Variants in GRK5 observed in about 807,000 individuals in gnomAD.
GRK5 encodes the protein g protein-coupled receptor kinase GRK5.
In GRK5, 40 loss-of-function variants were observed where a neutral mutation model predicts 78.4. The observed-to-expected ratio is 0.51, with a 90% confidence interval of 0.40 to 0.66. The LOEUF (loss-of-function observed/expected upper bound fraction) is 0.66, where lower values mean the gene tolerates loss of function less well. GRK5 is among the 30% of genes least tolerant of loss of function. GRK5 has a pLI of 0.00. For missense variants in GRK5, 598 were observed against 759.9 expected (o/e 0.79, Z 2.50); for synonymous variants, 289 against 296.8 (o/e 0.97, Z 0.27).
intron 2 of GRK5, among the ~76,000 whole-genome samples, chr10:119,331,387 C>T (rs1850776540): frequency 6.6e-6 from 1 of 152,238 alleles, no homozygotes; most frequent in African/African-American, 2.4e-5. Flanking sequence ...TGGGCCTTCC[C>T]ACTGTTTACA....
At chr10:119,255,617 C>A (rs1399995346) in intron 1 of GRK5, among the ~76,000 whole-genome samples, 1 of 152,194 alleles carries the variant, frequency 6.6e-6, no homozygotes, top group Non-Finnish European at 1.5e-5. Flanking sequence ...TGCGCAAGGT[C>A]AGGGTAAAGG....
At chr10:119,306,243 C>T (rs1308166600) in intron 1 of GRK5, among the ~76,000 whole-genome samples, 1 of 152,180 alleles carries the variant, frequency 6.6e-6, no homozygotes, top group African/African-American at 2.4e-5. Flanking sequence ...AATTTGCCCG[C>T]TAACAGGCCA....
Position 119,412,831 on chromosome 10 carries a change from C to T in GRK5, c.340-10335C>T, listed in dbSNP as rs867455629. Among the ~76,000 whole-genome samples the T allele has an allele frequency of 1.3e-5, 2 of 152,064 alleles. No individual in the cohort carries two copies. Among genetic ancestry groups the T allele is most frequent in the South Asian group, 2.1e-4 (1 of 4,826 alleles). On this transcript the variant is annotated intron_variant, in intron 4 of 15. Coordinates refer to ENST00000392870, the MANE Select transcript of GRK5 (RefSeq NM_005308.3). This position sits in a 1 kb window ranked among gnomAD's most constrained non-coding sequence, Gnocchi z 4.3. ...AAGCCAGGGTTTAGGGTTGGAACAG[C>T]CCCCATTCGCCCCACCACCCTCTGC...
intron 2 of GRK5, among the ~76,000 whole-genome samples, chr10:119,342,010 C>T (rs1850991426): frequency 6.6e-6 from 1 of 152,196 alleles, no homozygotes; most frequent in Non-Finnish European, 1.5e-5. Flanking sequence ...CAATGGGAGG[C>T]GTGGGAGAGT....
Position 119,253,242 on chromosome 10 carries a change from G to A in GRK5, c.52+45273G>A, listed in dbSNP as rs1202478607. On this transcript the variant is annotated intron_variant, in intron 1 of 15. Transcript: ENST00000392870. The surrounding 1 kb of genome is among the most constrained non-coding windows in gnomAD (Gnocchi z 5.7). ...TGAGATTACAGAGGCCCTTGATAGA[G>A]TCCGAAATTTGAAGGACAAGCAAGG... is the stretch of plus-strand genomic sequence containing the variant. 6.6e-6 allele frequency among the ~76,000 whole-genome samples: 1 copy of A among 152,176 alleles called. No individual in the cohort carries two copies. The highest frequency in any genetic ancestry group is 2.4e-5 in the African/African-American group (1 of 41,438).
intron 1 of GRK5, among the ~76,000 whole-genome samples, chr10:119,227,344 A>T (rs555750534): frequency 2.0e-5 from 3 of 152,130 alleles, no homozygotes; most frequent in African/African-American, 7.2e-5. Context: ...AGGTGGGTGG[A>T]TTGCTTGAGC....
At chr10:119,312,231 A>G (rs187013220) in intron 1 of GRK5, among the ~76,000 whole-genome samples, 55 of 152,350 alleles carry the variant, frequency 3.6e-4, no homozygotes, top group African/African-American at 1.1e-3. Flanking sequence ...TATTCACTTT[A>G]AAATGGTTAA....
intron 1 of GRK5, among the ~76,000 whole-genome samples, chr10:119,308,102 G>T (rs1262683189): frequency 6.6e-6 from 1 of 152,106 alleles, no homozygotes; most frequent in Admixed American, 6.5e-5. Flanking sequence ...TGCCCAGTGC[G>T]CCTTTGTAGG....
intron 2 of GRK5, among the ~76,000 whole-genome samples, chr10:119,362,667 G>C (rs1403653271): frequency 6.6e-6 from 1 of 152,200 alleles, no homozygotes; most frequent in African/African-American, 2.4e-5. Context: ...TGAGATTTGG[G>C]GACCTTAATT....
In GRK5 at chr10:119,431,347, A is replaced by T; in HGVS notation, c.598-40A>T. ...CTGGAGGAGCTCGGGGCAGGCCTCCACGGTGCTCCTGCCACCCTGGTTTCT... is the reference window on the plus strand; with the variant it reads ...CTGGAGGAGCTCGGGGCAGGCCTCCTCGGTGCTCCTGCCACCCTGGTTTCT... On this transcript the variant is annotated intron_variant, in intron 7 of 15. Transcript: ENST00000392870. The surrounding 1 kb of genome is among the most constrained non-coding windows in gnomAD (Gnocchi z 4.8). 6.3e-7 allele frequency: 1 copy of T among 1,594,488 alleles called. No individual in the cohort carries two copies. The highest frequency in any genetic ancestry group is 1.1e-5 in the South Asian group (1 of 87,632).
chr10:119,272,058 C>T (rs140218384), intron 1 of GRK5, among the ~76,000 whole-genome samples: 53 of 152,274 alleles, frequency 3.5e-4, no homozygotes, highest in African/African-American at 1.1e-3. Flanking sequence ...TGTAGGCTGA[C>T]GCGGCCCTCC....
chr10:119,249,334 G>A (rs568921900), intron 1 of GRK5, among the ~76,000 whole-genome samples: 11 of 152,114 alleles, frequency 7.2e-5, no homozygotes, highest in Non-Finnish European at 1.0e-4. Flanking sequence ...AGGGTGAAGT[G>A]ACTTAATATA....
chr10:119,356,311 T>G (rs1029509097), intron 2 of GRK5, among the ~76,000 whole-genome samples: 1 of 152,228 alleles, frequency 6.6e-6, no homozygotes, highest in South Asian at 2.1e-4. Flanking sequence ...GTTCATTTGC[T>G]TAGACCTTCT....
At chr10:119,268,199 C>A (rs1809274503) in intron 1 of GRK5, among the ~76,000 whole-genome samples, 1 of 152,212 alleles carries the variant, frequency 6.6e-6, no homozygotes, top group Admixed American at 6.5e-5. Context: ...TCTAAAGCAG[C>A]AGATGGGAAA....
intron 1 of GRK5, among the ~76,000 whole-genome samples, chr10:119,255,154 C>T (rs767564476): frequency 2.6e-5 from 4 of 152,082 alleles, no homozygotes; most frequent in African/African-American, 7.2e-5. Flanking sequence ...TTTGGAAGCC[C>T]GGAGGTGGCC....
intron 1 of GRK5, among the ~76,000 whole-genome samples, chr10:119,242,113 A>G (rs1469764245): frequency 6.6e-6 from 1 of 152,142 alleles, no homozygotes; most frequent in Non-Finnish European, 1.5e-5. Flanking sequence ...GCTTTTAGGC[A>G]GAAGAAGGGC....
chr10:119,355,946 C>T (rs1486455231), intron 2 of GRK5, among the ~76,000 whole-genome samples: 1 of 152,184 alleles, frequency 6.6e-6, no homozygotes, highest in Non-Finnish European at 1.5e-5. Flanking sequence ...CCCTGAGAAA[C>T]AACCGATGCT....
Position 119,394,334 on chromosome 10 carries a change from G to A in GRK5, c.262-2361G>A, listed in dbSNP as rs1851972047. Among the ~76,000 whole-genome samples, 22 of 101,668 alleles carry A rather than the reference G, an allele frequency of 2.2e-4. 2 individuals carry two copies. Among genetic ancestry groups the A allele is most frequent in the East Asian group, 3.6e-4 (1 of 2,800 alleles). The allele number at this position is 101,668 out of a possible 152,430, so 66.7% of individuals were successfully genotyped here. A position where few individuals can be genotyped will look rare whatever the true frequency, so the allele number is the denominator to read the frequency against. ...GGCACGTGGGTGTGTGTATCTGTGTGTCTGTGTGTGGGCATGTGGGTGTGT... is the reference window on the plus strand; with the variant it reads ...GGCACGTGGGTGTGTGTATCTGTGTATCTGTGTGTGGGCATGTGGGTGTGT... On this transcript the variant is annotated intron_variant, in intron 3 of 15. Coordinates refer to ENST00000392870, the MANE Select transcript of GRK5 (RefSeq NM_005308.3).
intron 1 of GRK5, among the ~76,000 whole-genome samples, chr10:119,291,932 T>TTTCCTCCTCTTCTTCCTCCTTCTC (rs1564879470): frequency 1.1e-5 from 1 of 89,406 alleles, no homozygotes; most frequent in African/African-American, 4.7e-5. Flanking sequence ...TCCTCCTTCT[T>TTTCCTCCTCTTCTTCCTCCTTCTC]TTCCTCCTCT....
Sources: gnomAD v4.1 joint callset for allele counts (sites outside exome capture counted in the v4.1 genomes callset) on GRCh38, gnomAD v4.1.1 for gene constraint, Gnocchi (gnomAD v3.1) non-coding constraint, MANE v1.5 for transcripts, NCBI Gene and HGNC (gene_info 2026-07-23, HGNC 2026-07-21) for gene names.